Variants in TRMT44 observed in about 807,000 individuals in gnomAD.
TRMT44 encodes probable tRNA (uracil-O(2)-)-methyltransferase.
TRMT44 carries 78 observed loss-of-function variants against 77.3 expected under a neutral mutation model. The observed-to-expected ratio is 1.01, with a 90% CI of 0.84 to 1.22. The LOEUF is 1.22. TRMT44 is among the 50% of genes most tolerant of loss of function. TRMT44 has a pLI of 0.00. For missense variants in TRMT44, 1,090 were observed against 964.4 expected (o/e 1.13, Z -1.73); for synonymous variants, 391 against 383.3 (o/e 1.02, Z -0.23).
intron 8 of TRMT44, among the ~76,000 whole-genome samples, chr4:8,466,804 T>C (rs1437792420): frequency 3.9e-5 from 6 of 152,198 alleles, no homozygotes; most frequent in Admixed American, 2.6e-4. Context: ...GGGGATCGAA[T>C]GTAAGAGTGG....
At position 8,452,880 on chromosome 4, in the gene TRMT44, A is replaced by G. The variant is rs184427543; in HGVS notation, c.1024-2A>G. ...CTTTGTTTTGTTTTTCTCTTCACTT[A>G]GATTCTATGGGAAGAAGAAAGGGCT... On this transcript the variant is annotated splice_acceptor_variant, in intron 4 of 10. Transcript: ENST00000389737. LOFTEE classifies it high-confidence loss of function. The surrounding 1 kb of genome is among the most constrained non-coding windows in gnomAD (Gnocchi z 5.7). The G allele has an allele frequency of 9.5e-5, 143 of 1,511,548 alleles. No homozygotes were observed. In the East Asian group the frequency reaches 3.3e-3, roughly 35 times the overall value. The allele number at this position is 1,511,548 out of a possible 1,614,324, so 93.6% of individuals were successfully genotyped here. A position where few individuals can be genotyped will look rare whatever the true frequency, so the allele number is the denominator to read the frequency against.
chr4:8,473,373 G>C (rs1234069492), intron 10 of TRMT44: 1 of 152,338 alleles, frequency 6.6e-6, no homozygotes, highest in East Asian at 1.9e-4. Context: ...ACTCATGGCA[G>C]AGCAGGCCTT....
downstream of TRMT44, among the ~76,000 whole-genome samples, chr4:8,480,976 T>C (rs1297051297): frequency 1.3e-5 from 2 of 152,236 alleles, no homozygotes; most frequent in East Asian, 3.8e-4. Context: ...AAAGAATCTC[T>C]GTTAACATAG....
chr4:8,498,801 A>T, the TRMT44 span, among the ~76,000 whole-genome samples: 68 of 152,114 alleles, frequency 4.5e-4, no homozygotes, highest in African/African-American at 1.6e-3. The surrounding 1 kb of genome is among the most constrained non-coding windows in gnomAD (Gnocchi z 4.3). Flanking sequence ...GCCAGGGGCG[A>T]TGTGTTCTGG....
At chr4:8,498,807 T>C in the TRMT44 span, among the ~76,000 whole-genome samples, 5 of 152,060 alleles carry the variant, frequency 3.3e-5, no homozygotes, top group Admixed American at 6.5e-5. This position sits in a 1 kb window ranked among gnomAD's most constrained non-coding sequence, Gnocchi z 4.3. Flanking sequence ...GGCGATGTGT[T>C]CTGGGTGGGG....
intron 6 of TRMT44, among the ~76,000 whole-genome samples, chr4:8,455,545 T>G (rs1302025001): frequency 6.6e-6 from 1 of 152,260 alleles, no homozygotes; most frequent in African/African-American, 2.4e-5. Context: ...CTCACTTTTC[T>G]TAATGCCCCT....
At chr4:8,468,933 G>A (rs564400935) in intron 9 of TRMT44, among the ~76,000 whole-genome samples, 2 of 152,340 alleles carry the variant, frequency 1.3e-5, no homozygotes, top group East Asian at 1.9e-4. Flanking sequence ...CTGCTTGGCC[G>A]CCAGAGGGTG....
the TRMT44 span, chr4:8,506,917 TCAG>T: frequency 6.6e-6 from 1 of 152,634 alleles, no homozygotes; most frequent in Non-Finnish European, 1.5e-5. Flanking sequence ...GGGAACCTCA[TCAG>T]CAGAGCTTCC....
the TRMT44 span, among the ~76,000 whole-genome samples, chr4:8,516,060 G>T: frequency 6.6e-6 from 1 of 152,142 alleles, no homozygotes; most frequent in Non-Finnish European, 1.5e-5. Flanking sequence ...TACGCTGGGG[G>T]TCTGAAACCG....
Position 8,453,116 on chromosome 4 carries a change from G to A in TRMT44, c.1131+127G>A. 1 of 528,214 alleles carries A rather than the reference G, an allele frequency of 1.9e-6. No individual in the cohort carries two copies. The highest frequency in any genetic ancestry group is 3.3e-6 in the Non-Finnish European group (1 of 307,440). 32.7% of individuals were successfully genotyped at this position (528,214 alleles called of 1,614,324 possible). A position where few individuals can be genotyped will look rare whatever the true frequency, so the allele number is the denominator to read the frequency against. The stretch of plus-strand genomic sequence containing the variant: ...TTGGAGTCAGCCAGCTATCAGAGTA[G>A]GTAGAGACTTATAAATTTCTGTTAA... On this transcript the variant is annotated intron_variant, in intron 5 of 10. Coordinates refer to ENST00000389737, the MANE Select transcript of TRMT44 (RefSeq NM_152544.3).
downstream of TRMT44, among the ~76,000 whole-genome samples, chr4:8,496,196 G>A (rs1728146034): frequency 6.6e-6 from 1 of 152,190 alleles, no homozygotes; most frequent in Admixed American, 6.5e-5. Flanking sequence ...TGTGACAGAT[G>A]TTCTTGAGCC....
intron 10 of TRMT44, among the ~76,000 whole-genome samples, chr4:8,472,796 T>C (rs1375486796): frequency 6.6e-6 from 1 of 152,194 alleles, no homozygotes; most frequent in Non-Finnish European, 1.5e-5. Context: ...GCCTGCTGGC[T>C]GGGCTGGGCC....
chr4:8,469,776 GCCTC>G (rs781112586), intron 9 of TRMT44, among the ~76,000 whole-genome samples: 1 of 152,230 alleles, frequency 6.6e-6, no homozygotes, highest in Non-Finnish European at 1.5e-5. Flanking sequence ...TCAGCCCACT[GCCTC>G]CCTCCCGCCC....
chr4:8,502,280 C>A, the TRMT44 span, among the ~76,000 whole-genome samples: 1 of 152,236 alleles, frequency 6.6e-6, no homozygotes, highest in African/African-American at 2.4e-5. Context: ...ACACCCTGCC[C>A]TGCCTTCTTC....
intron 1 of TRMT44, among the ~76,000 whole-genome samples, chr4:8,445,389 A>G (rs1295874760): frequency 6.6e-6 from 1 of 152,242 alleles, no homozygotes. Flanking sequence ...CTGTACTTCT[A>G]TGAACTGCAA....
chr4:8,489,706 G>T (rs1727934229), intron 2 of TRMT44, among the ~76,000 whole-genome samples: 2 of 152,176 alleles, frequency 1.3e-5, no homozygotes, highest in Non-Finnish European at 2.9e-5. Flanking sequence ...TCAAACTCCT[G>T]ACCTCAGGTG....
Position 8,444,864 on chromosome 4 carries a change from T to C in TRMT44, c.620-1612T>C, listed in dbSNP as rs1360790677. Among the ~76,000 whole-genome samples the C allele has an allele frequency of 1.3e-5, 2 of 152,214 alleles. No individual in the cohort carries two copies. Among genetic ancestry groups the C allele is most frequent in the Admixed American group, 1.3e-4 (2 of 15,276 alleles). Reference sequence around the variant, plus strand: ...ACCCTGTAAATATATATACCTGCTATGTACCCACAAAAATGAAAAATTTAA... The same window carrying C: ...ACCCTGTAAATATATATACCTGCTACGTACCCACAAAAATGAAAAATTTAA... On this transcript the variant is annotated intron_variant, in intron 1 of 10. Coordinates refer to ENST00000389737, the MANE Select transcript of TRMT44 (RefSeq NM_152544.3). This position sits in a 1 kb window ranked among gnomAD's most constrained non-coding sequence, Gnocchi z 4.0.
chr4:8,507,606 C>G, the TRMT44 span: 1 of 152,504 alleles, frequency 6.6e-6, no homozygotes, highest in Middle Eastern at 3.0e-3. Context: ...TTCTTCTTTC[C>G]TGGCTGAAGC....
At chr4:8,477,757 C>T (rs529669688), downstream of TRMT44, 134 of 152,738 alleles carry the variant, frequency 8.8e-4, 1 homozygote, top group African/African-American at 3.2e-3. Flanking sequence ...GGACAAGCCA[C>T]CTGATGCCCC....
Sources: gnomAD v4.1 joint callset for allele counts (sites outside exome capture counted in the v4.1 genomes callset) on GRCh38, gnomAD v4.1.1 for gene constraint, Gnocchi (gnomAD v3.1) non-coding constraint, MANE v1.5 for transcripts, NCBI Gene and HGNC (gene_info 2026-07-23, HGNC 2026-07-21) for gene names.